The following PCDHA2 variants were observed in gnomAD, a reference collection of about 807,000 sequenced individuals.
The protein encoded by PCDHA2 is protocadherin alpha-2.
In PCDHA2, 58 loss-of-function variants were observed where a neutral mutation model predicts 66.0. That is an observed-to-expected ratio of 0.88 (90% confidence interval 0.71 to 1.09). The LOEUF is 1.09. Ranked by LOEUF, PCDHA2 falls within the 50% of genes least tolerant of loss-of-function variation. PCDHA2 has a pLI of 0.00. For synonymous variants in PCDHA2, 634 were observed against 554.0 expected, an observed-to-expected ratio of 1.14 and a Z score of -2.03; for missense variants, 1,267 against 1,242.3, an observed-to-expected ratio of 1.02 and a Z score of -0.30.
At chr5:140,809,080 C>T in intron 1 of PCDHA2, 2 of 1,613,954 alleles carry the variant, frequency 1.2e-6, no homozygotes, top group Admixed American at 1.7e-5. Flanking sequence ...CTGGCGAGAT[C>T]AGCACAACGC....
chr5:140,796,755 G>A lies in PCDHA2; in HGVS notation c.1791G>A (p.Val597=). ...ACGTGGTGGCGAAGGTGCGCGCAGT[G>A]GACGCTGACTCAGGCTACAACGCGT... ...AGHVVAKVRA[V]DADSGYNAWL... Residue 597 remains valine, a synonymous_variant, in exon 1 of 4, where the codon GTG becomes GTA. Coordinates refer to ENST00000526136, the MANE Select transcript of PCDHA2 (RefSeq NM_018905.3). 1 of 1,614,138 alleles carries A rather than the reference G, an allele frequency of 6.2e-7. No homozygotes were observed. The highest frequency in any genetic ancestry group is 8.5e-7 in the Non-Finnish European group (1 of 1,179,974).
intron 1 of PCDHA2, among the ~76,000 whole-genome samples, chr5:140,936,136 G>A (rs1393112473): frequency 2.0e-5 from 3 of 152,184 alleles, no homozygotes; most frequent in Admixed American, 1.3e-4. Context: ...TAAGTGATCT[G>A]CCCGCCTTGG....
chr5:140,870,657 G>A (rs782619046), intron 1 of PCDHA2: 1 of 1,612,514 alleles, frequency 6.2e-7, no homozygotes, highest in East Asian at 2.2e-5. Context: ...AGGTGTACGC[G>A]CTGCAGCCGT....
At chr5:140,854,909 G>C (rs1295662316) in intron 1 of PCDHA2, among the ~76,000 whole-genome samples, 1 of 149,376 alleles carries the variant, frequency 6.7e-6, no homozygotes, top group Non-Finnish European at 1.5e-5. Flanking sequence ...AATATAACAG[G>C]GTTGAAAGCA....
chr5:140,867,455 GTGTTATGACAACAT>G (rs1181061872), intron 1 of PCDHA2: 1 of 152,006 alleles, frequency 6.6e-6, no homozygotes, highest in East Asian at 1.9e-4. Flanking sequence ...TAGAGTTCTA[GTGTTATGACAACAT>G]TGGGAAAAGA....
In PCDHA2 at chr5:140,843,327, T is replaced by C. The variant is rs2150357538; in HGVS notation, c.2388+45975T>C. On this transcript the variant is annotated intron_variant, in intron 1 of 3. Coordinates refer to ENST00000526136, the MANE Select transcript of PCDHA2 (RefSeq NM_018905.3). ...GCCACGGCCACGGTTCTGGTGTCGC[T>C]GGTGGAGAGCGGCCAGGCTCCAAAA... 16 of 1,595,936 alleles carry C rather than the reference T, an allele frequency of 1.0e-5. No individual in the cohort carries two copies. In the South Asian group the frequency reaches 1.5e-4, roughly 15 times the overall value.
intron 1 of PCDHA2, chr5:140,829,559 G>C (rs2150170055): frequency 6.2e-7 from 1 of 1,612,768 alleles, no homozygotes; most frequent in Non-Finnish European, 8.5e-7. Flanking sequence ...GAACGCGCTG[G>C]TGTCCTACTC....
At chr5:140,814,345 G>C (rs2126654527) in intron 1 of PCDHA2, 1 of 151,438 alleles carries the variant, frequency 6.6e-6, no homozygotes, top group East Asian at 1.9e-4. Context: ...AGGTCTTCTG[G>C]GGCAGTTACA....
At chr5:140,983,865 GC>G (rs2097073239) in intron 3 of PCDHA2, among the ~76,000 whole-genome samples, 1 of 152,120 alleles carries the variant, frequency 6.6e-6, no homozygotes, top group Admixed American at 6.5e-5. Context: ...GCAGCTAAGG[GC>G]CCATTTTTAC....
intron 1 of PCDHA2, chr5:140,869,067 G>T (rs1220928735): frequency 6.4e-7 from 1 of 1,570,438 alleles, no homozygotes; most frequent in Non-Finnish European, 8.6e-7. Flanking sequence ...TACTGTAAGT[G>T]TAAAGAAGCT....
intron 1 of PCDHA2, chr5:140,841,464 T>C (rs2150316083): frequency 2.1e-5 from 34 of 1,612,868 alleles, no homozygotes; most frequent in Admixed American, 3.3e-5. Flanking sequence ...GTGGGCCGGA[T>C]CGCGCAGGAC....
At chr5:141,000,361 GTCTCTCTC>G (rs148596731) in intron 3 of PCDHA2, among the ~76,000 whole-genome samples, 2,007 of 26,308 alleles carry the variant, frequency 0.076, 129 homozygotes, top group East Asian at 0.15. Context: ...GTCTCTCTCT[GTCTCTCTC>G]TCTCTCTCTC....
At chr5:140,927,868 C>T (rs782143210) in intron 1 of PCDHA2, 2 of 1,614,220 alleles carry the variant, frequency 1.2e-6, no homozygotes, top group Admixed American at 1.7e-5. Flanking sequence ...CACCGCTAAA[C>T]TGCTGGTGGA....
rs201694939 is a variant in PCDHA2, at chr5:140,830,233, G to A, written c.2388+32881G>A. 38 of 1,613,906 alleles carry A rather than the reference G, an allele frequency of 2.4e-5. No individual in the cohort carries two copies. In the Admixed American group the frequency reaches 4.8e-4, roughly 21 times the overall value. ...CGGTATCCAGCCTGCTGGTCCTCAC[G>A]CTACTGCTGTACACAGCGCTGCGGT... On this transcript the variant is annotated intron_variant, in intron 1 of 3. Transcript: ENST00000526136.
At chr5:140,951,098 A>T (rs1480000816) in intron 1 of PCDHA2, among the ~76,000 whole-genome samples, 1 of 151,264 alleles carries the variant, frequency 6.6e-6, no homozygotes, top group African/African-American at 2.4e-5. Flanking sequence ...TTCTGATAAG[A>T]TTTCCTTTAT....
rs116952410 is a variant in PCDHA2, at chr5:140,893,392, C to A, written c.2389-85557C>A. On this transcript the variant is annotated intron_variant, in intron 1 of 3. Coordinates refer to ENST00000526136, the MANE Select transcript of PCDHA2 (RefSeq NM_018905.3). ...AGCATTTATGGGACAGTGGCTCATG[C>A]CTGTAATCCCAGCACTTAGGGAGGC... 2.0e-5 allele frequency among the ~76,000 whole-genome samples: 3 copies of A among 152,230 alleles called. No individual in the cohort carries two copies. The East Asian group carries it at 5.8e-4, about 29-fold the overall frequency.
At chr5:140,913,857 T>C (rs1374392004) in intron 1 of PCDHA2, among the ~76,000 whole-genome samples, 3 of 152,208 alleles carry the variant, frequency 2.0e-5, no homozygotes, top group Admixed American at 6.5e-5. Context: ...CAGGAGCATA[T>C]TGTTTAATTT....
chr5:140,926,976 GGA>G (rs1184794302), intron 1 of PCDHA2: 3 of 1,610,286 alleles, frequency 1.9e-6, no homozygotes, highest in Non-Finnish European at 2.5e-6. Context: ...CAGTGCCGGA[GGA>G]GACGGAGCGG....
At chr5:140,904,125 C>G (rs2070849198) in intron 1 of PCDHA2, among the ~76,000 whole-genome samples, 1 of 151,972 alleles carries the variant, frequency 6.6e-6, no homozygotes, top group East Asian at 1.9e-4. Flanking sequence ...TTTTGGTGCA[C>G]CCATCACCCG....
Sources: allele counts gnomAD v4.1 joint callset (sites outside exome capture counted in the v4.1 genomes callset), GRCh38; gene constraint gnomAD v4.1.1; transcripts MANE v1.5; gene names NCBI Gene and HGNC (gene_info 2026-07-23, HGNC 2026-07-21).